GOLGA2: variants seen among roughly 807,000 people sequenced by gnomAD.
The protein encoded by GOLGA2 is golgin A2.
GOLGA2 carries 49 observed loss-of-function variants against 148.8 expected under a neutral mutation model. That is an observed-to-expected ratio of 0.33 (90% CI 0.26 to 0.42). GOLGA2 has a LOEUF of 0.42. Among genes scored for constraint, GOLGA2 ranks in the 10% least tolerant of loss-of-function variants. The probability of loss-of-function intolerance (pLI) is 1.00; values close to 1 mark genes in which losing one functional copy is unlikely to be tolerated. For missense variants in GOLGA2, 1,178 were observed against 1,304.6 expected (o/e 0.90, Z 1.49); for synonymous variants, 501 against 511.8 (o/e 0.98, Z 0.28).
Position 128,273,863 on chromosome 9 carries a change from T to C in GOLGA2, c.194A>G (p.His65Arg). The change falls in exon 2 of 27, where the codon CAC (histidine) becomes CGC (arginine). Residue 65 changes from histidine to arginine, a missense_variant. By Grantham distance (29) the His-to-Arg change is conservative. Around this residue, in one of 5 missense-constraint regions of GOLGA2, gnomAD observed 158 missense variants for 156.6 expected, o/e 1.01. Transcript: ENST00000611957. ...TCCAAGACTCACATCCTCAGGTGAG[T>C]GGCAACCACCAGAAGTGGTTGTCTC... is the stretch of plus-strand genomic sequence containing the variant. ...NPETTTSGGC[H>R]SPEDIQDILK... 1.2e-6 allele frequency: 2 copies of C among 1,614,022 alleles called. No homozygotes were observed. Among genetic ancestry groups the C allele is most frequent in the Non-Finnish European group, 1.7e-6 (2 of 1,179,952 alleles).
At position 128,266,646 on chromosome 9, in the gene GOLGA2, C is replaced by T; in HGVS notation, c.643-321G>A. On this transcript the variant is annotated intron_variant, in intron 8 of 26. Transcript: ENST00000611957. The surrounding 1 kb of genome is among the most constrained non-coding windows in gnomAD (Gnocchi z 4.2). ...GATTTAGAAAGGTGTAATCATTCAA[C>T]AAACATTTGCTGAGCACACACAGGC... 2.1e-6 allele frequency: 1 copy of T among 478,372 alleles called. No homozygotes were observed. Among genetic ancestry groups the T allele is most frequent in the South Asian group, 2.4e-5 (1 of 41,812 alleles). 29.6% of individuals were successfully genotyped at this position (478,372 alleles called of 1,614,324 possible).
In GOLGA2 at chr9:128,268,355, G is replaced by A; in HGVS notation, c.393+65C>T. Reference sequence around the variant, plus strand: ...TGACCCTAGGGAACAAGCTGCCTGTGAAAGGAGAAGATAATGCATAATAGG... The same window carrying A: ...TGACCCTAGGGAACAAGCTGCCTGTAAAAGGAGAAGATAATGCATAATAGG... On this transcript the variant is annotated intron_variant, in intron 4 of 26. Coordinates refer to ENST00000611957, the MANE Select transcript of GOLGA2 (RefSeq NM_001366244.2). 7.4e-6 allele frequency: 8 copies of A among 1,085,802 alleles called. No homozygotes were observed. In the South Asian group the frequency reaches 1.0e-4, roughly 14 times the overall value. The allele number at this position is 1,085,802 out of a possible 1,614,324, so 67.3% of individuals were successfully genotyped here. A position where few individuals can be genotyped will look rare whatever the true frequency, so the allele number is the denominator to read the frequency against.
chr9:128,268,936 G>A (rs900836615), intron 3 of GOLGA2, among the ~76,000 whole-genome samples: 9 of 152,084 alleles, frequency 5.9e-5, no homozygotes, highest in African/African-American at 2.2e-4. Context: ...AGAGGATGGT[G>A]ATGAGGAAGT....
intron 20 of GOLGA2, 35 bp downstream of exon 20, chr9:128,259,132 C>T (rs376341495): frequency 6.2e-7 from 1 of 1,600,982 alleles, no homozygotes. Flanking sequence ...GCCAGGTTGT[C>T]CCCCTCGGGG....
Position 128,273,926 on chromosome 9 carries a change from G to C in GOLGA2, c.131C>G (p.Ala44Gly). The part of the protein sequence containing the change: ...QRNSPGVPTG[A>G]KKKKKIKNGS... The stretch of plus-strand genomic sequence containing the variant: ...ATTTTTTATTTTCTTCTTCTTTTTC[G>C]CTCCTGTAGGAACACCAGGGCTATT... Residue 44 changes from alanine to glycine, a missense_variant, in exon 2 of 27, where the codon GCG (alanine) becomes GGG (glycine). Physicochemically the swap from Ala to Gly is moderately conservative, Grantham distance 60 (BLOSUM62 0). Coordinates refer to ENST00000611957, the MANE Select transcript of GOLGA2 (RefSeq NM_001366244.2). 6.2e-7 allele frequency: 1 copy of C among 1,612,866 alleles called. No individual in the cohort carries two copies.
Position 128,273,952 on chromosome 9 carries a change from C to A in GOLGA2, c.105G>T (p.Arg35Ser), listed in dbSNP as rs1458030308. The change falls in exon 2 of 27, where the codon AGG (arginine) becomes AGT (serine). Residue 35 changes from arginine to serine, a missense_variant. Arg to Ser is a moderately radical substitution (Grantham distance 110). Transcript: ENST00000611957. ...AKKKLREYQQRNSPGVPTGAK... is the reference protein window; with the variant it reads ...AKKKLREYQQSNSPGVPTGAK... ...CTCCTGTAGGAACACCAGGGCTATT[C>A]CTCTGCTGATATTCTCTCAACTGTG... The A allele has an allele frequency of 1.2e-6, 2 of 1,613,360 alleles. No individual in the cohort carries two copies. Among genetic ancestry groups the A allele is most frequent in the Non-Finnish European group, 1.7e-6 (2 of 1,179,344 alleles).
In GOLGA2 at chr9:128,271,444, C is replaced by A. The variant is rs764590187; in HGVS notation, c.288+1341G>T. 2.0e-5 allele frequency among the ~76,000 whole-genome samples: 3 copies of A among 152,178 alleles called. No individual in the cohort carries two copies. The highest frequency in any genetic ancestry group is 2.9e-5 in the Non-Finnish European group (2 of 68,030). ...CTCCTCTGGCTTGGCAGGAAGGAGT[C>A]CCCCAGGTGAGTTAGAGATGGAAGA... On this transcript the variant is annotated intron_variant, in intron 3 of 26. Transcript: ENST00000611957. This position sits in a 1 kb window ranked among gnomAD's most constrained non-coding sequence, Gnocchi z 4.4.
At chr9:128,265,286 G>A (rs1046294129) in intron 12 of GOLGA2, among the ~76,000 whole-genome samples, 5 of 152,146 alleles carry the variant, frequency 3.3e-5, no homozygotes, top group Non-Finnish European at 7.4e-5. Flanking sequence ...TACCTTCACA[G>A]TACAAGTACC....
chr9:128,261,549 C>A lies in GOLGA2; in HGVS notation c.1237G>T (p.Val413Phe). 1 of 1,600,984 alleles carries A rather than the reference C, an allele frequency of 6.2e-7. No individual in the cohort carries two copies. Among genetic ancestry groups the A allele is most frequent in the Non-Finnish European group, 8.6e-7 (1 of 1,167,980 alleles). The change falls in exon 16 of 27, where the codon GTT becomes TTT. Residue 413 changes from valine to phenylalanine, a missense_variant. Physicochemically the swap from Val to Phe is conservative, Grantham distance 50. Coordinates refer to ENST00000611957, the MANE Select transcript of GOLGA2 (RefSeq NM_001366244.2). The surrounding 1 kb of genome is among the most constrained non-coding windows in gnomAD (Gnocchi z 5.7). Reference protein sequence around the residue: ...EAHLGQVMESVRQLQMERDKY... With the variant: ...EAHLGQVMESFRQLQMERDKY... ...TCTCTCTCCATTTGTAGTTGTCTAA[C>A]CGACTCCATTACCTGCAAGAATGGC...
In GOLGA2 at chr9:128,258,955, T is replaced by C. The variant is rs1830078334; in HGVS notation, c.2173+52A>G. On this transcript the variant is annotated intron_variant, in intron 21 of 26. Coordinates refer to ENST00000611957, the MANE Select transcript of GOLGA2 (RefSeq NM_001366244.2). This position sits in a 1 kb window ranked among gnomAD's most constrained non-coding sequence, Gnocchi z 6.6. ...CTCCTCAATTCTACGCTGCTAACAG[T>C]CCCCCCTTCTTCCTGGGGCTCTCTC... is the stretch of plus-strand genomic sequence containing the variant. The C allele has an allele frequency of 8.7e-7, 1 of 1,154,764 alleles. No homozygotes were observed. The highest frequency in any genetic ancestry group is 1.7e-5 in the Admixed American group (1 of 59,256). 71.5% of individuals were successfully genotyped at this position (1,154,764 alleles called of 1,614,324 possible).
At chr9:128,264,808 C>A (rs1295846619) in intron 12 of GOLGA2, among the ~76,000 whole-genome samples, 1 of 152,186 alleles carries the variant, frequency 6.6e-6, no homozygotes, top group Non-Finnish European at 1.5e-5. Context: ...ATTACTACCA[C>A]TGTTTGAACC....
intron 12 of GOLGA2, 22 bp downstream of exon 12, chr9:128,265,563 C>T (rs907453584): frequency 2.9e-5 from 45 of 1,527,838 alleles, no homozygotes; most frequent in East Asian, 9.0e-5. Context: ...TGCCAGGGGA[C>T]GGGGCAGGCA....
chr9:128,272,312 C>T (rs1831005266), intron 3 of GOLGA2, among the ~76,000 whole-genome samples: 2 of 151,714 alleles, frequency 1.3e-5, no homozygotes, highest in African/African-American at 4.8e-5. Flanking sequence ...GGTGAAACCC[C>T]ATCTCTACTA....
At chr9:128,273,813 C>T (rs1368377866) in intron 2 of GOLGA2, 37 bp downstream of exon 2, 2 of 1,607,452 alleles carry the variant, frequency 1.2e-6, no homozygotes, top group Non-Finnish European at 1.7e-6. Context: ...GCCCCTTGGG[C>T]CCCCTGTCCC....
intron 2 of GOLGA2, 54 bp downstream of exon 2, chr9:128,273,796 C>G (rs1564369840): frequency 6.3e-7 from 1 of 1,591,908 alleles, no homozygotes; most frequent in African/African-American, 1.3e-5. Context: ...AACAATTACC[C>G]TCTACTGCCC....
In GOLGA2 at chr9:128,258,242, T is replaced by C; in HGVS notation, c.2290-44A>G. ...CATTCTTGTAGGAGGATATATAGGA[T>C]GAACAGGGCAGGGAGGTAGAGAGCA... On this transcript the variant is annotated intron_variant, in intron 22 of 26. Transcript: ENST00000611957. The surrounding 1 kb of genome is among the most constrained non-coding windows in gnomAD (Gnocchi z 6.6). 11 of 1,449,684 alleles carry C rather than the reference T, an allele frequency of 7.6e-6. No homozygotes were observed. Among genetic ancestry groups the C allele is most frequent in the Non-Finnish European group, 8.5e-6 (9 of 1,059,734 alleles). 89.8% of individuals were successfully genotyped at this position (1,449,684 alleles called of 1,614,324 possible). A position where few individuals can be genotyped will look rare whatever the true frequency, so the allele number is the denominator to read the frequency against.
At position 128,267,485 on chromosome 9, in the gene GOLGA2, T is replaced by C. The variant is rs1830663123; in HGVS notation, c.534A>G (p.Ala178=). The change falls in exon 7 of 27, where the codon GCA becomes GCG. Residue 178 remains alanine (A), a synonymous_variant. Transcript: ENST00000611957. ...SATCVNGEGP[A]SSANLKDLES... is the part of the protein sequence containing the mutation. ...CCAGATCCTTCAGGTTAGCAGACGATGCAGGGCCCTCCCCATTGACACATG... is the reference window on the plus strand; with the variant it reads ...CCAGATCCTTCAGGTTAGCAGACGACGCAGGGCCCTCCCCATTGACACATG... 9 of 1,613,512 alleles carry C rather than the reference T, an allele frequency of 5.6e-6. No individual in the cohort carries two copies. The highest frequency in any genetic ancestry group is 4.5e-5 in the East Asian group (2 of 44,888).
intron 3 of GOLGA2, among the ~76,000 whole-genome samples, chr9:128,269,119 G>A (rs566828980): frequency 6.6e-6 from 1 of 151,916 alleles, no homozygotes; most frequent in Admixed American, 6.5e-5. Flanking sequence ...ACACTACCAT[G>A]CTCAGCTAAT....
Position 128,257,412 on chromosome 9 carries a change from CCCTGAAGTGGGCTCAT to C in GOLGA2, c.2816_2831del (p.Asp939GlyfsTer20). On this transcript the variant is annotated frameshift_variant, in exon 26 of 27. Transcript: ENST00000611957. LOFTEE classifies it high-confidence loss of function. The surrounding 1 kb of genome is among the most constrained non-coding windows in gnomAD (Gnocchi z 8.0). Reference sequence around the variant, plus strand: ...CCCCAAGTTCCTGGGGGGCTGGGGCCCCTGAAGTGGGCTCATCAGCAGGGTTCTGGGCAGCTGCCAG... The same window carrying C: ...CCCCAAGTTCCTGGGGGGCTGGGGCCCAGCAGGGTTCTGGGCAGCTGCCAG... 2 of 1,612,996 alleles carry C rather than the reference CCCTGAAGTGGGCTCAT, an allele frequency of 1.2e-6. No homozygotes were observed. The highest frequency in any genetic ancestry group is 8.5e-7 in the Non-Finnish European group (1 of 1,179,976).
Sources: allele counts gnomAD v4.1 joint callset (sites outside exome capture counted in the v4.1 genomes callset), GRCh38; gene constraint gnomAD v4.1.1; regional missense constraint gnomAD v4.1.1; non-coding constraint Gnocchi (gnomAD v3.1); transcripts MANE v1.5; gene names NCBI Gene and HGNC (gene_info 2026-07-23, HGNC 2026-07-21).